The following FOXN2 variants were observed in gnomAD, a reference collection of about 807,000 sequenced individuals.
The protein encoded by FOXN2 is forkhead box N2.
In FOXN2, 19 loss-of-function variants were observed where a neutral mutation model predicts 41.2. The ratio of observed to expected loss-of-function variants is 0.46; its 90% confidence interval spans 0.32 to 0.68. FOXN2 has a LOEUF of 0.68. FOXN2 is among the 30% of genes least tolerant of loss of function. The pLI is 0.03. For synonymous variants in FOXN2, 195 were observed against 176.8 expected (o/e 1.10, Z -0.82); for missense variants, 587 against 509.4 (o/e 1.15, Z -1.47).
chr2:48,319,655 G>T lies in FOXN2; in HGVS notation c.-157+4841G>T, dbSNP rs145990745. Among the ~76,000 whole-genome samples, 633 of 139,664 alleles carry T rather than the reference G, an allele frequency of 4.5e-3. 5 individuals are homozygous for T. The highest frequency in any genetic ancestry group is 0.016 in the African/African-American group (596 of 37,556). 91.6% of individuals were successfully genotyped at this position (139,664 alleles called of 152,430 possible). On this transcript the variant is annotated intron_variant, in intron 1 of 6. Coordinates refer to ENST00000340553, the MANE Select transcript of FOXN2 (RefSeq NM_002158.4). ...TTGAGACAGGGTCACACTCAACCCT[G>T]CTGGAGTGCAGTGGTAACAATCACA...
At position 48,376,230 on chromosome 2, in the gene FOXN2, A is replaced by G. The variant is rs1269245863; in HGVS notation, c.*787A>G. 1 of 152,090 alleles carries G rather than the reference A, an allele frequency of 6.6e-6. No homozygotes were observed. The highest frequency in any genetic ancestry group is 2.4e-5 in the African/African-American group (1 of 41,426). 9.4% of individuals were successfully genotyped at this position (152,090 alleles called of 1,614,324 possible). ...TTTTAGCCACTAGCTGCCTTTGTTG[A>G]GTATAAGTTATCCAGTGAGAGGATA... is the stretch of plus-strand genomic sequence containing the variant. On this transcript the variant is annotated 3_prime_UTR_variant, in exon 7 of 7. Coordinates refer to ENST00000340553, the MANE Select transcript of FOXN2 (RefSeq NM_002158.4).
At chr2:48,363,262 T>C (rs1056282804) in intron 5 of FOXN2, among the ~76,000 whole-genome samples, 17 of 152,126 alleles carry the variant, frequency 1.1e-4, no homozygotes, top group African/African-American at 4.1e-4. Context: ...AACTAAAAAG[T>C]TTAAAAAAAG....
chr2:48,358,995 C>G, intron 3 of FOXN2, 52 bp from the exon 4 acceptor site: 1 of 1,355,886 alleles, frequency 7.4e-7, no homozygotes, highest in Non-Finnish European at 1.0e-6. Flanking sequence ...CATTTAGACG[C>G]TGACTGTTTA....
intron 2 of FOXN2, among the ~76,000 whole-genome samples, chr2:48,330,166 T>C (rs1669940996): frequency 6.6e-6 from 1 of 152,132 alleles, no homozygotes; most frequent in Non-Finnish European, 1.5e-5. Flanking sequence ...TCATTTATTA[T>C]AATAAGCTGA....
intron 4 of FOXN2, among the ~76,000 whole-genome samples, chr2:48,360,476 A>C (rs999662957): frequency 1.3e-5 from 2 of 152,164 alleles, no homozygotes; most frequent in African/African-American, 4.8e-5. Flanking sequence ...CTTGTAGAGG[A>C]GTGGTTGTAG....
intron 5 of FOXN2, among the ~76,000 whole-genome samples, chr2:48,369,666 T>C (rs1389415695): frequency 2.0e-5 from 3 of 152,202 alleles, no homozygotes; most frequent in African/African-American, 7.2e-5. Context: ...TAGATTATTT[T>C]ACCGTCACCT....
chr2:48,324,382 A>G (rs1669530510), intron 1 of FOXN2, among the ~76,000 whole-genome samples: 1 of 152,030 alleles, frequency 6.6e-6, no homozygotes, highest in African/African-American at 2.4e-5. Flanking sequence ...TTTAGTAGAG[A>G]CGGGTTTTGC....
intron 2 of FOXN2, among the ~76,000 whole-genome samples, chr2:48,342,942 A>T (rs1172611678): frequency 6.6e-6 from 1 of 152,176 alleles, no homozygotes; most frequent in East Asian, 1.9e-4. Flanking sequence ...TCTTAATGAA[A>T]TTTTTTTGTA....
chr2:48,322,846 T>A (rs1669424357), intron 1 of FOXN2, among the ~76,000 whole-genome samples: 1 of 149,938 alleles, frequency 6.7e-6, no homozygotes, highest in Admixed American at 6.7e-5. Context: ...CATTTTTATC[T>A]CTTTGAGCAT....
intron 5 of FOXN2, among the ~76,000 whole-genome samples, chr2:48,368,759 G>T (rs1000825076): frequency 1.2e-4 from 19 of 152,154 alleles, no homozygotes; most frequent in Non-Finnish European, 1.3e-4. Flanking sequence ...TCTACCCAGA[G>T]AATTTTTATT....
chr2:48,338,807 A>G (rs1670541280), intron 2 of FOXN2, among the ~76,000 whole-genome samples: 1 of 152,202 alleles, frequency 6.6e-6, no homozygotes, highest in African/African-American at 2.4e-5. Flanking sequence ...ATTTAAATGT[A>G]AAAGGCAAAA....
At chr2:48,347,244 T>TG (rs981520909) in intron 3 of FOXN2, among the ~76,000 whole-genome samples, 2 of 142,442 alleles carry the variant, frequency 1.4e-5, no homozygotes, top group African/African-American at 2.7e-5. Context: ...TTTTTTTTTT[T>TG]GTGAGACAGT....
At chr2:48,349,655 A>C (rs1426862888) in intron 3 of FOXN2, among the ~76,000 whole-genome samples, 1 of 152,128 alleles carries the variant, frequency 6.6e-6, no homozygotes, top group African/African-American at 2.4e-5. Context: ...TATGCCTGTA[A>C]TCCCAGCTAC....
chr2:48,325,527 G>A (rs1337150906), intron 1 of FOXN2, among the ~76,000 whole-genome samples: 4 of 150,200 alleles, frequency 2.7e-5, no homozygotes, highest in Non-Finnish European at 5.9e-5. Context: ...GTATCTATAG[G>A]AAAGGTAGTA....
At chr2:48,353,385 C>T (rs1558630612) in intron 3 of FOXN2, among the ~76,000 whole-genome samples, 1 of 152,156 alleles carries the variant, frequency 6.6e-6, no homozygotes, top group Non-Finnish European at 1.5e-5. Context: ...TCAGAAGTCA[C>T]CTCTCAAGCA....
chr2:48,359,279 T>C (rs1421698384), intron 4 of FOXN2, 132 bp downstream of exon 4: 1 of 659,106 alleles, frequency 1.5e-6, no homozygotes, highest in South Asian at 2.1e-5. Context: ...TATTTAGTTT[T>C]TAGTTTTTAG....
chr2:48,343,328 A>G (rs528709475), intron 2 of FOXN2, among the ~76,000 whole-genome samples: 1 of 152,322 alleles, frequency 6.6e-6, no homozygotes, highest in Admixed American at 6.5e-5. Context: ...TAACTCTTCA[A>G]GGCAGTTAGT....
intron 3 of FOXN2, among the ~76,000 whole-genome samples, chr2:48,357,168 C>T (rs923415874): frequency 2.6e-5 from 4 of 152,130 alleles, no homozygotes; most frequent in Non-Finnish European, 4.4e-5. Context: ...GTAACGTAAA[C>T]CAGACTGTTA....
At chr2:48,338,130 TTAA>T (rs1380847034) in intron 2 of FOXN2, among the ~76,000 whole-genome samples, 2 of 152,130 alleles carry the variant, frequency 1.3e-5, no homozygotes, top group East Asian at 3.8e-4. Context: ...ACCAACTCAG[TTAA>T]GTTAGAAATA....
Sources: allele counts gnomAD v4.1 joint callset (sites outside exome capture counted in the v4.1 genomes callset), GRCh38; gene constraint gnomAD v4.1.1; transcripts MANE v1.5; gene names NCBI Gene and HGNC (gene_info 2026-07-23, HGNC 2026-07-21).